Variants in TMX3 observed in about 807,000 individuals in gnomAD.
TMX3 encodes thioredoxin related transmembrane protein 3.
TMX3 carries 40 observed loss-of-function variants against 64.4 expected under a neutral mutation model. That is an observed-to-expected ratio of 0.62 (90% confidence interval 0.48 to 0.81). TMX3 has a LOEUF of 0.81. Ranked by LOEUF, TMX3 falls within the 30% of genes least tolerant of loss-of-function variation. TMX3 has a pLI of 0.00. For missense variants in TMX3, 497 were observed against 534.5 expected (o/e 0.93, Z 0.69); for synonymous variants, 189 against 175.7 (o/e 1.08, Z -0.60).
At chr18:68,692,524 T>C (rs1205576769) in intron 8 of TMX3, among the ~76,000 whole-genome samples, 1 of 152,212 alleles carries the variant, frequency 6.6e-6, no homozygotes, top group Non-Finnish European at 1.5e-5. Context: ...TTTTCATAAA[T>C]ACCCGTTGTA....
At chr18:68,694,969 A>G (rs1914913828) in intron 8 of TMX3, among the ~76,000 whole-genome samples, 1 of 152,116 alleles carries the variant, frequency 6.6e-6, no homozygotes, top group African/African-American at 2.4e-5. Context: ...TTATAGATTC[A>G]AAAGAAAAAA....
At chr18:68,714,673 T>C (rs1407332065) in intron 1 of TMX3, among the ~76,000 whole-genome samples, 7 of 152,212 alleles carry the variant, frequency 4.6e-5, no homozygotes, top group African/African-American at 1.7e-4. Flanking sequence ...TCTGCCACAA[T>C]GAGAAAAACA....
chr18:68,684,248 A>G lies in TMX3; in HGVS notation c.795-5T>C, dbSNP rs375765134. On this transcript the variant is annotated splice_region_variant and splice_polypyrimidine_tract_variant and intron_variant, in intron 11 of 15. Coordinates refer to ENST00000299608, the MANE Select transcript of TMX3 (RefSeq NM_019022.5). ...TCCTGAATAATTGACTTCAATCTGT[A>G]GAAGAACAAACATATGAATAGTTCA... The G allele has an allele frequency of 2.5e-6, 4 of 1,609,786 alleles. No individual in the cohort carries two copies. The highest frequency in any genetic ancestry group is 1.7e-6 in the Non-Finnish European group (2 of 1,176,826).
At chr18:68,679,629 C>G (rs1913233396) in intron 14 of TMX3, 98 bp from the exon 15 acceptor site, 4 of 911,346 alleles carry the variant, frequency 4.4e-6, no homozygotes, top group Non-Finnish European at 6.6e-6. Flanking sequence ...TGGTTGACTC[C>G]AAAATATTAC....
At chr18:68,685,936 T>C (rs569243673) in intron 10 of TMX3, among the ~76,000 whole-genome samples, 1 of 152,310 alleles carries the variant, frequency 6.6e-6, no homozygotes, top group East Asian at 1.9e-4. Flanking sequence ...TTTGGTGCAA[T>C]TGGCATAGCC....
intron 7 of TMX3, 66 bp downstream of exon 7, chr18:68,697,864 GAA>G (rs1915252281): frequency 1.0e-6 from 1 of 963,348 alleles, no homozygotes; most frequent in Non-Finnish European, 1.6e-6. Context: ...CGTTTCTAGT[GAA>G]GTCTTGATTA....
chr18:68,689,436 T>C (rs1415480731), intron 9 of TMX3, among the ~76,000 whole-genome samples: 1 of 152,064 alleles, frequency 6.6e-6, no homozygotes, highest in South Asian at 2.1e-4. Context: ...CTCTCTGAAT[T>C]GCTAAGAAAC....
chr18:68,689,840 T>C (rs922535498), intron 9 of TMX3: 7 of 152,196 alleles, frequency 4.6e-5, no homozygotes, highest in African/African-American at 1.7e-4. Context: ...TATCTAACAT[T>C]CTTAGCTATA....
At chr18:68,710,270 G>C in intron 3 of TMX3, 126 bp from the exon 4 acceptor site, 1 of 904,934 alleles carries the variant, frequency 1.1e-6, no homozygotes, top group Non-Finnish European at 1.5e-6. Flanking sequence ...TTTTAGACAA[G>C]AAGTTTAAAT....
At chr18:68,706,277 G>A (rs1214759859) in intron 4 of TMX3, 1 of 152,220 alleles carries the variant, frequency 6.6e-6, no homozygotes, top group East Asian at 1.9e-4. Context: ...CGAGTGTGGT[G>A]GCACATGCCT....
chr18:68,682,024 C>T (rs1367451896), intron 13 of TMX3, among the ~76,000 whole-genome samples: 1 of 152,174 alleles, frequency 6.6e-6, no homozygotes, highest in Non-Finnish European at 1.5e-5. Context: ...TTTCCTGAGC[C>T]CTTCCACCTT....
At chr18:68,683,105 G>A (rs2145018761) in intron 12 of TMX3, 124 bp from the exon 13 acceptor site, 1 of 790,230 alleles carries the variant, frequency 1.3e-6, no homozygotes, top group Non-Finnish European at 2.0e-6. Flanking sequence ...GGCCTCAGTA[G>A]GCCCAGAAAC....
At chr18:68,709,684 C>T (rs1181757120) in intron 4 of TMX3, among the ~76,000 whole-genome samples, 1 of 152,074 alleles carries the variant, frequency 6.6e-6, no homozygotes, top group African/African-American at 2.4e-5. Flanking sequence ...CTTTACAGCA[C>T]ATCTCAGGCT....
chr18:68,707,635 A>G (rs1374331470), intron 4 of TMX3, among the ~76,000 whole-genome samples: 1 of 152,168 alleles, frequency 6.6e-6, no homozygotes. Context: ...ATAGTCCCAC[A>G]TTCCTTTATA....
At chr18:68,711,170 T>A (rs1180778856) in intron 3 of TMX3, among the ~76,000 whole-genome samples, 194 bp downstream of exon 3, 4 of 152,104 alleles carry the variant, frequency 2.6e-5, no homozygotes, top group Non-Finnish European at 5.9e-5. Flanking sequence ...CAAAAATACG[T>A]TCCCTCGCAT....
intron 8 of TMX3, among the ~76,000 whole-genome samples, chr18:68,695,351 C>T (rs1328127517): frequency 6.6e-6 from 1 of 152,154 alleles, no homozygotes; most frequent in Non-Finnish European, 1.5e-5. Flanking sequence ...TCTGGGCCTA[C>T]TCATTTCCTT....
At chr18:68,700,379 A>G (rs758240953) in intron 6 of TMX3, 26 bp downstream of exon 6, 1 of 1,415,032 alleles carries the variant, frequency 7.1e-7, no homozygotes, top group South Asian at 1.4e-5. Context: ...AATAACATAC[A>G]GTAAAGGCCT....
intron 8 of TMX3, among the ~76,000 whole-genome samples, chr18:68,694,397 C>T (rs571592214): frequency 2.8e-4 from 42 of 152,314 alleles, no homozygotes; most frequent in African/African-American, 9.6e-4. Flanking sequence ...CTGGTCCAGC[C>T]GCAGCCTCAC....
At chr18:68,678,637 G>T (rs1341691318) in intron 15 of TMX3, among the ~76,000 whole-genome samples, 1 of 152,098 alleles carries the variant, frequency 6.6e-6, no homozygotes, top group Non-Finnish European at 1.5e-5. Context: ...TTGATAGAGT[G>T]AAAGGAAGAG....
Sources: gnomAD v4.1 joint callset for allele counts (sites outside exome capture counted in the v4.1 genomes callset) on GRCh38, gnomAD v4.1.1 for gene constraint, MANE v1.5 for transcripts, NCBI Gene and HGNC (gene_info 2026-07-23, HGNC 2026-07-21) for gene names.